The following PRR16 variants were observed in gnomAD, a reference collection of about 807,000 sequenced individuals.
PRR16 encodes the protein proline rich 16.
Under a neutral mutation model 18.2 loss-of-function variants are expected in PRR16, and 6 were observed. The ratio of observed to expected loss-of-function variants is 0.33; its 90% CI spans 0.18 to 0.65. The LOEUF (loss-of-function observed/expected upper bound fraction) is 0.65. Among genes scored for constraint, PRR16 ranks in the 30% least tolerant of loss-of-function variants. The pLI, the probability that PRR16 is intolerant of heterozygous loss-of-function variation, is 0.74. For synonymous variants in PRR16, 151 were observed against 147.8 expected, an observed-to-expected ratio of 1.02 and a Z score of -0.16; for missense variants, 412 against 376.6, an observed-to-expected ratio of 1.09 and a Z score of -0.78.
the PRR16 span, among the ~76,000 whole-genome samples, chr5:120,722,992 T>G: frequency 6.6e-6 from 1 of 151,732 alleles, no homozygotes; most frequent in South Asian, 2.1e-4. Context: ...TTTTACTAAG[T>G]TTTACTGATG....
chr5:120,657,080 C>T (rs1173894695), intron 1 of PRR16, among the ~76,000 whole-genome samples: 1 of 151,920 alleles, frequency 6.6e-6, no homozygotes, highest in Non-Finnish European at 1.5e-5. Flanking sequence ...ATGGAAAAAT[C>T]ATCACAAAAT....
chr5:120,625,600 A>G (rs1754836622), intron 1 of PRR16, among the ~76,000 whole-genome samples: 1 of 152,138 alleles, frequency 6.6e-6, no homozygotes, highest in Admixed American at 6.6e-5. Context: ...GGCCTCCCAA[A>G]GTGCTGGGAT....
intron 1 of PRR16, among the ~76,000 whole-genome samples, chr5:120,623,507 G>A (rs1474783726): frequency 3.3e-5 from 5 of 151,990 alleles, no homozygotes; most frequent in African/African-American, 1.2e-4. Flanking sequence ...GTTTCTTCTT[G>A]TGCAAAATGA....
At chr5:120,528,339 G>T (rs1192361475) in intron 1 of PRR16, among the ~76,000 whole-genome samples, 1 of 152,150 alleles carries the variant, frequency 6.6e-6, no homozygotes, top group East Asian at 1.9e-4. Flanking sequence ...TAGATTTGGT[G>T]TTACCTTACG....
At chr5:120,651,089 C>T (rs1238219972) in intron 1 of PRR16, among the ~76,000 whole-genome samples, 1 of 152,174 alleles carries the variant, frequency 6.6e-6, no homozygotes, top group African/African-American at 2.4e-5. Flanking sequence ...TGATGATGAG[C>T]ATTTTTTCAT....
At chr5:120,500,962 A>C (rs920869028) in intron 1 of PRR16, among the ~76,000 whole-genome samples, 3 of 151,912 alleles carry the variant, frequency 2.0e-5, no homozygotes, top group African/African-American at 7.2e-5. Context: ...TTCTGATCTT[A>C]TTCCTATATA....
intron 1 of PRR16, among the ~76,000 whole-genome samples, chr5:120,662,478 C>G (rs1756209988): frequency 6.6e-6 from 1 of 151,942 alleles, no homozygotes; most frequent in Admixed American, 6.6e-5. Flanking sequence ...CTATTTTATT[C>G]CCTTTTAATA....
At chr5:120,664,916 T>C (rs1036400453) in intron 1 of PRR16, among the ~76,000 whole-genome samples, 10 of 151,982 alleles carry the variant, frequency 6.6e-5, no homozygotes, top group African/African-American at 2.4e-4. Context: ...GCAATAAACA[T>C]ATGTGTGCAT....
chr5:120,761,343 G>T, the PRR16 span, among the ~76,000 whole-genome samples: 1 of 151,874 alleles, frequency 6.6e-6, no homozygotes, highest in Non-Finnish European at 1.5e-5. Flanking sequence ...TTTTGTTAAT[G>T]GTGTTTGGAG....
the PRR16 span, among the ~76,000 whole-genome samples, chr5:120,766,187 G>A: frequency 2.0e-5 from 3 of 151,936 alleles, no homozygotes; most frequent in Admixed American, 6.6e-5. Context: ...ATAGCTTTCC[G>A]AAGTATTAAT....
At chr5:120,551,993 G>C (rs531689097) in intron 1 of PRR16, among the ~76,000 whole-genome samples, 7 of 152,000 alleles carry the variant, frequency 4.6e-5, no homozygotes, top group Non-Finnish European at 7.4e-5. Flanking sequence ...TAACTTTCTT[G>C]CTGAAGGAGC....
At chr5:120,652,597 A>G (rs999464310) in intron 1 of PRR16, among the ~76,000 whole-genome samples, 1 of 152,068 alleles carries the variant, frequency 6.6e-6, no homozygotes, top group Non-Finnish European at 1.5e-5. Flanking sequence ...TAAGAAAAGT[A>G]TAGACAAACC....
chr5:120,608,313 T>G (rs184690199), intron 1 of PRR16, among the ~76,000 whole-genome samples: 41 of 152,272 alleles, frequency 2.7e-4, no homozygotes, highest in Non-Finnish European at 4.7e-4. Flanking sequence ...GTGCTACTTA[T>G]GTAAAACAGA....
At chr5:120,720,763 G>A in the PRR16 span, among the ~76,000 whole-genome samples, 1 of 151,970 alleles carries the variant, frequency 6.6e-6, no homozygotes, top group Admixed American at 6.6e-5. Context: ...TAAGGCAAAT[G>A]TTTTCTCAAA....
intron 1 of PRR16, among the ~76,000 whole-genome samples, chr5:120,497,733 G>T (rs1291581669): frequency 6.6e-6 from 1 of 151,462 alleles, no homozygotes; most frequent in African/African-American, 2.4e-5. Context: ...CCTCAGAAAT[G>T]AACATCATAT....
chr5:120,754,873 T>G, the PRR16 span, among the ~76,000 whole-genome samples: 1 of 150,910 alleles, frequency 6.6e-6, no homozygotes, highest in Non-Finnish European at 1.5e-5. Flanking sequence ...TCAGAAACCA[T>G]GAGGTATAAG....
intron 1 of PRR16, among the ~76,000 whole-genome samples, chr5:120,625,826 G>A (rs964169246): frequency 1.3e-5 from 2 of 152,074 alleles, no homozygotes; most frequent in South Asian, 2.1e-4. Context: ...GTGCGTAGTT[G>A]TTATAATAGT....
chr5:120,562,473 T>C (rs746335346), intron 1 of PRR16, among the ~76,000 whole-genome samples: 1 of 152,162 alleles, frequency 6.6e-6, no homozygotes, highest in Non-Finnish European at 1.5e-5. Context: ...TCCATTTACA[T>C]TCAATGTTAT....
At chr5:120,744,691 A>G in the PRR16 span, among the ~76,000 whole-genome samples, 1 of 152,330 alleles carries the variant, frequency 6.6e-6, no homozygotes, top group African/African-American at 2.4e-5. Context: ...AACATGGACA[A>G]CTTAGTCCAC....
Sources: gnomAD v4.1 joint callset for allele counts (sites outside exome capture counted in the v4.1 genomes callset) on GRCh38, gnomAD v4.1.1 for gene constraint, MANE v1.5 for transcripts, NCBI Gene and HGNC (gene_info 2026-07-23, HGNC 2026-07-21) for gene names.